Variants in PLEKHA1 observed in about 807,000 individuals in gnomAD.
The protein encoded by PLEKHA1 is pleckstrin homology domain-containing family A member 1.
A neutral mutation model predicts 52.0 loss-of-function variants in PLEKHA1; 34 were observed. The observed-to-expected ratio is 0.65, with a 90% CI of 0.50 to 0.87. PLEKHA1 has a LOEUF of 0.87. Ranked by LOEUF, PLEKHA1 falls within the 40% of genes least tolerant of loss-of-function variation. PLEKHA1 has a pLI of 0.00. For synonymous variants in PLEKHA1, 163 were observed against 170.7 expected, an observed-to-expected ratio of 0.95 and a Z score of 0.35; for missense variants, 497 against 504.2, an observed-to-expected ratio of 0.99 and a Z score of 0.14.
chr10:122,389,196 T>C (rs2096742266), intron 1 of PLEKHA1, among the ~76,000 whole-genome samples: 1 of 152,250 alleles, frequency 6.6e-6, no homozygotes, highest in African/African-American at 2.4e-5. Flanking sequence ...ATCACAAATA[T>C]ATATTTCAAT....
intron 1 of PLEKHA1, among the ~76,000 whole-genome samples, chr10:122,385,311 C>CTTTTTT (rs1196217497): frequency 3.5e-4 from 34 of 96,470 alleles, no homozygotes; most frequent in Non-Finnish European, 4.8e-4. Context: ...TTGTGTCTGG[C>CTTTTTT]TTTTTTTTTT....
At chr10:122,381,565 C>T (rs1308444097) in intron 1 of PLEKHA1, among the ~76,000 whole-genome samples, 2 of 152,184 alleles carry the variant, frequency 1.3e-5, no homozygotes, top group Non-Finnish European at 2.9e-5. Context: ...CTTTGCCTTC[C>T]ACCATGATTG....
chr10:122,387,560 C>T (rs1451814272), intron 1 of PLEKHA1: 1 of 152,092 alleles, frequency 6.6e-6, no homozygotes, highest in South Asian at 2.1e-4. Flanking sequence ...GAGGGCTTTT[C>T]TGTAGCATAA....
At chr10:122,411,575 G>A (rs2097107089) in intron 5 of PLEKHA1, among the ~76,000 whole-genome samples, 1 of 152,148 alleles carries the variant, frequency 6.6e-6, no homozygotes, top group Non-Finnish European at 1.5e-5. Flanking sequence ...AAAAATGTCT[G>A]GTGTTCTTGC....
chr10:122,407,382 C>T (rs967995712), intron 5 of PLEKHA1, among the ~76,000 whole-genome samples: 2 of 152,012 alleles, frequency 1.3e-5, no homozygotes, highest in Admixed American at 6.6e-5. Context: ...AGATCTTAGA[C>T]CGAAGGTTTT....
intron 1 of PLEKHA1, among the ~76,000 whole-genome samples, chr10:122,383,313 G>GTTTTTTTTTTTTTTTTTTTTTTT (rs58485855): frequency 2.3e-5 from 3 of 128,390 alleles, no homozygotes; most frequent in African/African-American, 2.9e-5. Context: ...CTTTCTTTCT[G>GTTTTTTTTTTTTTTTTTTTTTTT]TTTTTTTTTT....
downstream of PLEKHA1, chr10:122,433,846 G>T (rs1426240296): frequency 6.6e-6 from 1 of 152,160 alleles, no homozygotes; most frequent in African/African-American, 2.4e-5. Flanking sequence ...AAAAAGGAGA[G>T]CATTTAGTAT....
At chr10:122,408,798 TG>T (rs2097061436) in intron 5 of PLEKHA1, among the ~76,000 whole-genome samples, 3 of 152,186 alleles carry the variant, frequency 2.0e-5, no homozygotes, top group Admixed American at 2.0e-4. Context: ...TATATTTTCC[TG>T]TGAACATTGC....
At chr10:122,380,118 A>G (rs2096594083) in intron 1 of PLEKHA1, among the ~76,000 whole-genome samples, 1 of 152,258 alleles carries the variant, frequency 6.6e-6, no homozygotes, top group African/African-American at 2.4e-5. Flanking sequence ...TTATTTAAAT[A>G]AATCAGTTAA....
chr10:122,376,182 A>C (rs1416762042), intron 1 of PLEKHA1, among the ~76,000 whole-genome samples: 2 of 152,158 alleles, frequency 1.3e-5, no homozygotes, highest in African/African-American at 4.8e-5. Flanking sequence ...TATTAAAATA[A>C]TAAGATTTAT....
chr10:122,418,446 A>G (rs1313896154), intron 8 of PLEKHA1: 7 of 152,756 alleles, frequency 4.6e-5, no homozygotes, highest in Admixed American at 4.6e-4. Flanking sequence ...ATGATGAGGA[A>G]TGAGATATTT....
intron 5 of PLEKHA1, among the ~76,000 whole-genome samples, chr10:122,410,195 C>T (rs1031019858): frequency 6.6e-6 from 1 of 152,172 alleles, no homozygotes; most frequent in Non-Finnish European, 1.5e-5. Context: ...CTGTCTTGTT[C>T]ATCTTTTTAT....
chr10:122,376,773 T>TA (rs2133462751), intron 1 of PLEKHA1, among the ~76,000 whole-genome samples: 2 of 152,268 alleles, frequency 1.3e-5, no homozygotes, highest in East Asian at 3.9e-4. Context: ...GAAACTGCCA[T>TA]GAGTTCATAA....
At chr10:122,413,149 AC>A in intron 6 of PLEKHA1, 104 bp downstream of exon 6, 1 of 954,258 alleles carries the variant, frequency 1.0e-6, no homozygotes, top group Non-Finnish European at 1.4e-6. Context: ...GGTATAATAT[AC>A]AATTACTATA....
chr10:122,408,632 T>C (rs1188536948), intron 5 of PLEKHA1, among the ~76,000 whole-genome samples: 1 of 152,160 alleles, frequency 6.6e-6, no homozygotes, highest in Non-Finnish European at 1.5e-5. Flanking sequence ...AATAAACTTT[T>C]GATAGACACA....
At chr10:122,434,634 T>C (rs1189907784), downstream of PLEKHA1, 1 of 151,736 alleles carries the variant, frequency 6.6e-6, no homozygotes, top group African/African-American at 2.4e-5. Flanking sequence ...TAGTTACATA[T>C]GTATACATGT....
chr10:122,426,011 A>G (rs946023212), intron 10 of PLEKHA1, among the ~76,000 whole-genome samples: 3 of 152,138 alleles, frequency 2.0e-5, no homozygotes, highest in Non-Finnish European at 4.4e-5. Flanking sequence ...TTAGAACTGC[A>G]CCATACTCCA....
chr10:122,409,462 A>G (rs2097074518), intron 5 of PLEKHA1, among the ~76,000 whole-genome samples: 1 of 152,210 alleles, frequency 6.6e-6, no homozygotes, highest in Non-Finnish European at 1.5e-5. Context: ...ATATAGTGGA[A>G]ACAACATAAA....
At chr10:122,399,021 T>G (rs940779410) in intron 3 of PLEKHA1, among the ~76,000 whole-genome samples, 1 of 152,184 alleles carries the variant, frequency 6.6e-6, no homozygotes, top group Non-Finnish European at 1.5e-5. Context: ...GGCCAGCTGC[T>G]TTCCTCTCCT....
Sources: allele counts gnomAD v4.1 joint callset (sites outside exome capture counted in the v4.1 genomes callset), GRCh38; gene constraint gnomAD v4.1.1; transcripts MANE v1.5; gene names NCBI Gene and HGNC (gene_info 2026-07-23, HGNC 2026-07-21).